RALGAPA2: variants seen among roughly 807,000 people sequenced by gnomAD.
RALGAPA2 encodes the protein Ral GTPase activating protein catalytic subunit alpha 2, also known as ral GTPase-activating protein subunit alpha-2.
Under a neutral mutation model 230.4 loss-of-function variants are expected in RALGAPA2, and 139 were observed. The ratio of observed to expected loss-of-function variants is 0.60; its 90% CI spans 0.53 to 0.69. RALGAPA2 has a LOEUF of 0.69. Ranked by LOEUF, RALGAPA2 falls within the 30% of genes least tolerant of loss-of-function variation. RALGAPA2 has a pLI of 0.00. For synonymous variants in RALGAPA2, 847 were observed against 837.8 expected (o/e 1.01, Z -0.19); for missense variants, 2,163 against 2,276.0 (o/e 0.95, Z 1.01).
chr20:20,430,513 A>G (rs924730919), intron 37 of RALGAPA2, among the ~76,000 whole-genome samples: 4 of 152,242 alleles, frequency 2.6e-5, no homozygotes, highest in Non-Finnish European at 4.4e-5. Flanking sequence ...CACAGGGACC[A>G]GTGATAAGGA....
chr20:20,603,492 G>A lies in RALGAPA2; in HGVS notation c.2039-1646C>T, dbSNP rs193071254. Among the ~76,000 whole-genome samples the A allele has an allele frequency of 3.7e-4, 56 of 152,214 alleles. 1 individual carries two copies. In the East Asian group the frequency reaches 0.01, roughly 28 times the overall value. ...GCTTCATCACGTGACTTACTTGGTA[G>A]CAAAACTGAACAAGCAGAGACTTGA... On this transcript the variant is annotated intron_variant, in intron 15 of 39. Coordinates refer to ENST00000202677, the MANE Select transcript of RALGAPA2 (RefSeq NM_020343.4).
intron 20 of RALGAPA2, among the ~76,000 whole-genome samples, chr20:20,577,355 A>G (rs1239316751): frequency 6.6e-6 from 1 of 152,178 alleles, no homozygotes; most frequent in Non-Finnish European, 1.5e-5. Flanking sequence ...CAAGACACAC[A>G]TAAAAAAAGA....
intron 26 of RALGAPA2, among the ~76,000 whole-genome samples, chr20:20,534,972 T>C (rs1283000004): frequency 6.6e-6 from 1 of 152,176 alleles, no homozygotes; most frequent in East Asian, 1.9e-4. Context: ...ACTAGGAAAT[T>C]TGAACTAACC....
chr20:20,604,006 A>T (rs559158547), intron 15 of RALGAPA2, among the ~76,000 whole-genome samples: 4 of 152,272 alleles, frequency 2.6e-5, no homozygotes, highest in Admixed American at 2.0e-4. Flanking sequence ...TTTTTACCCT[A>T]TGTGCTCTGT....
chr20:20,451,346 T>C (rs2060984080), intron 37 of RALGAPA2, among the ~76,000 whole-genome samples: 1 of 152,100 alleles, frequency 6.6e-6, no homozygotes, highest in Admixed American at 6.5e-5. Context: ...CAATTCTGAG[T>C]GTCTAGCCTG....
chr20:20,489,153 A>G (rs2123538354), intron 36 of RALGAPA2, among the ~76,000 whole-genome samples: 1 of 152,320 alleles, frequency 6.6e-6, no homozygotes, highest in Non-Finnish European at 1.5e-5. Flanking sequence ...TAAAAACTGC[A>G]AAGATTGGGC....
rs79135163 is a variant in RALGAPA2 at position 20,644,054 on chromosome 20, G to A, written c.329-505C>T. ...GAATCAAGGCTGACTCGGAACTCCA[G>A]TCAACTACAAAAACTGGTGCTGCAG... On this transcript the variant is annotated intron_variant, in intron 4 of 39. Transcript: ENST00000202677. 2.8e-3 allele frequency among the ~76,000 whole-genome samples: 420 copies of A among 152,284 alleles called. 1 individual carries two copies. Among genetic ancestry groups the A allele is most frequent in the African/African-American group, 9.7e-3 (401 of 41,542 alleles).
At chr20:20,706,541 C>T (rs2069612862) in intron 1 of RALGAPA2, among the ~76,000 whole-genome samples, 1 of 152,158 alleles carries the variant, frequency 6.6e-6, no homozygotes. Context: ...ACAGGGAAGG[C>T]AATGAACACT....
chr20:20,572,961 G>C lies in RALGAPA2; in HGVS notation c.2815C>G (p.Leu939Val), dbSNP rs1330734856. The change falls in exon 21 of 40, where the codon CTC (leucine) becomes GTC (valine). Residue 939 changes from leucine (L) to valine (V), a missense_variant. Physicochemically the swap from Leu to Val is conservative, Grantham distance 32 (BLOSUM62 1). Transcript: ENST00000202677. ...GACTGGATGTTATTCACATCTCCGA[G>C]GATCCCCAAGACCCTTCGCCATAAC... ...AVLWRRVLGI[L>V]GDVNNIQSPK... The C allele has an allele frequency of 4.4e-6, 7 of 1,600,000 alleles. No homozygotes were observed. Among genetic ancestry groups the C allele is most frequent in the Non-Finnish European group, 6.0e-6 (7 of 1,173,064 alleles).
At chr20:20,515,860 G>A (rs577226602) in intron 31 of RALGAPA2, among the ~76,000 whole-genome samples, 1 of 151,956 alleles carries the variant, frequency 6.6e-6, no homozygotes, top group African/African-American at 2.4e-5. Context: ...GGGGGGGGCA[G>A]GGAAGTGCAC....
chr20:20,635,797 T>C (rs918313303), intron 8 of RALGAPA2, among the ~76,000 whole-genome samples, 180 bp from the exon 9 acceptor site: 4 of 152,206 alleles, frequency 2.6e-5, no homozygotes. Flanking sequence ...TGATTCCGCC[T>C]TGTGATCTGA....
At chr20:20,515,002 T>C (rs2062825059) in intron 31 of RALGAPA2, among the ~76,000 whole-genome samples, 1 of 152,216 alleles carries the variant, frequency 6.6e-6, no homozygotes, top group South Asian at 2.1e-4. Context: ...GCACTGCTAC[T>C]TGTGCCCAAC....
At chr20:20,405,858 C>G (rs2059934070) in intron 38 of RALGAPA2, among the ~76,000 whole-genome samples, 1 of 152,170 alleles carries the variant, frequency 6.6e-6, no homozygotes, top group South Asian at 2.1e-4. Flanking sequence ...TTGCATCAGG[C>G]CCACACATCT....
chr20:20,537,948 C>T (rs1461085143), intron 24 of RALGAPA2, among the ~76,000 whole-genome samples: 1 of 152,220 alleles, frequency 6.6e-6, no homozygotes, highest in African/African-American at 2.4e-5. Context: ...TGTCATATGG[C>T]TCCTAAGTGA....
rs1404395197 is a variant in RALGAPA2 at position 20,674,101 on chromosome 20, C to G, written c.270+2135G>C. ...GTCCCACCTACTCAGGAGGCTGAGG[C>G]AGGAGGATCACTTGAGCCCAGGAGG... On this transcript the variant is annotated intron_variant, in intron 3 of 39. Transcript: ENST00000202677. 3.3e-5 allele frequency among the ~76,000 whole-genome samples: 5 copies of G among 151,986 alleles called. No individual in the cohort carries two copies. The East Asian group carries it at 9.7e-4, about 29-fold the overall frequency.
At chr20:20,587,046 G>A (rs1452964887) in intron 18 of RALGAPA2, among the ~76,000 whole-genome samples, 1 of 151,960 alleles carries the variant, frequency 6.6e-6, no homozygotes, top group Non-Finnish European at 1.5e-5. Flanking sequence ...AATGACAGAA[G>A]ACAAGCACTT....
intron 5 of RALGAPA2, 144 bp from the exon 6 acceptor site, chr20:20,641,022 A>G: frequency 4.2e-6 from 3 of 722,150 alleles, no homozygotes; most frequent in South Asian, 2.1e-5. Context: ...GTGACAAATA[A>G]GCAAAGATGC....
At chr20:20,511,194 G>C (rs375106019) in intron 33 of RALGAPA2, 60 bp downstream of exon 33, 1 of 1,538,816 alleles carries the variant, frequency 6.5e-7, no homozygotes, top group East Asian at 2.4e-5. Flanking sequence ...TGTTGTATCT[G>C]TTATCCAAGA....
At chr20:20,685,227 G>A (rs1356682197) in intron 1 of RALGAPA2, among the ~76,000 whole-genome samples, 2 of 152,064 alleles carry the variant, frequency 1.3e-5, no homozygotes, top group East Asian at 3.9e-4. Flanking sequence ...GTCAACAAGT[G>A]CGGTGCTAAG....
Sources: allele counts gnomAD v4.1 joint callset (sites outside exome capture counted in the v4.1 genomes callset), GRCh38; gene constraint gnomAD v4.1.1; transcripts MANE v1.5; gene names NCBI Gene and HGNC (gene_info 2026-07-23, HGNC 2026-07-21).